Variants in PACS2 observed in about 807,000 individuals in gnomAD.
PACS2 encodes the protein PACS1-like protein.
PACS2 carries 36 observed loss-of-function variants against 113.0 expected under a neutral mutation model. That is an observed-to-expected ratio of 0.32 (90% CI 0.24 to 0.42). The LOEUF is 0.42. Ranked by LOEUF, PACS2 falls within the 10% of genes least tolerant of loss-of-function variation. The pLI is 1.00. For missense variants in PACS2, 1,015 were observed against 1,239.5 expected, an observed-to-expected ratio of 0.82 and a Z score of 2.72; for synonymous variants, 589 against 536.1, an observed-to-expected ratio of 1.10 and a Z score of -1.36.
rs1339097990 is a variant in PACS2, at chr14:105,354,061, C to T, written c.298-991C>T. Among the ~76,000 whole-genome samples the T allele has an allele frequency of 1.3e-5, 2 of 151,672 alleles. No individual in the cohort carries two copies. The highest frequency in any genetic ancestry group is 2.4e-5 in the African/African-American group (1 of 41,276). ...TGAGATCATGCCATAGCACTCCAGC[C>T]TGGGGGACAGAGTGAGACTCCATCT... On this transcript the variant is annotated intron_variant, in intron 3 of 24. Coordinates refer to ENST00000447393, the MANE Select transcript of PACS2 (RefSeq NM_001100913.3). This position sits in a 1 kb window ranked among gnomAD's most constrained non-coding sequence, Gnocchi z 4.2.
intron 24 of PACS2, chr14:105,394,237 G>T (rs2081469240): frequency 1.0e-6 from 1 of 985,214 alleles, no homozygotes; most frequent in Admixed American, 6.1e-5. Context: ...GGTGGAAGTG[G>T]ATGTGGACGA....
Position 105,330,836 on chromosome 14 carries a change from A to T in PACS2, c.119+15799A>T, listed in dbSNP as rs2059281492. Among the ~76,000 whole-genome samples the T allele has an allele frequency of 6.6e-6, 1 of 152,028 alleles. No homozygotes were observed. On this transcript the variant is annotated intron_variant, in intron 1 of 24. Transcript: ENST00000447393. This position sits in a 1 kb window ranked among gnomAD's most constrained non-coding sequence, Gnocchi z 6.9. ...GCTTTTTGCCTTAAGTGCGTTCCCA[A>T]TTCCATCTCTGTGCCAGCTGTGCCC... is the stretch of plus-strand genomic sequence containing the variant.
intron 1 of PACS2, among the ~76,000 whole-genome samples, chr14:105,346,234 C>T (rs1555402559): frequency 6.6e-6 from 1 of 152,144 alleles, no homozygotes; most frequent in Non-Finnish European, 1.5e-5. Context: ...ATCTTCTGAC[C>T]TGGGTAGGTC....
intron 1 of PACS2, among the ~76,000 whole-genome samples, chr14:105,316,442 T>C (rs1328309281): frequency 6.6e-6 from 1 of 152,218 alleles, no homozygotes; most frequent in African/African-American, 2.4e-5. Context: ...TCTGCCCCTC[T>C]GAGTCACTGC....
At chr14:105,313,303 T>C (rs2058402196), upstream of PACS2, among the ~76,000 whole-genome samples, 1 of 152,200 alleles carries the variant, frequency 6.6e-6, no homozygotes, top group South Asian at 2.1e-4. Context: ...CCTGTCCTCC[T>C]GGGGTATGGC....
At chr14:105,318,783 C>G (rs1456656032) in intron 1 of PACS2, among the ~76,000 whole-genome samples, 1 of 150,044 alleles carries the variant, frequency 6.7e-6, no homozygotes, top group Non-Finnish European at 1.5e-5. Flanking sequence ...CTCAGCCTCC[C>G]GAGTAGCTGG....
rs1313720444 is a variant in PACS2, at chr14:105,330,491, G to C, written c.119+15454G>C. 6.6e-6 allele frequency among the ~76,000 whole-genome samples: 1 copy of C among 152,176 alleles called. No individual in the cohort carries two copies. ...TACTGTGCCGCAGAGTTTTCTTTCCGAGCACTCAATGCTCACCTCCTGGGA... is the reference window on the plus strand; with the variant it reads ...TACTGTGCCGCAGAGTTTTCTTTCCCAGCACTCAATGCTCACCTCCTGGGA... On this transcript the variant is annotated intron_variant, in intron 1 of 24. Coordinates refer to ENST00000447393, the MANE Select transcript of PACS2 (RefSeq NM_001100913.3). This position sits in a 1 kb window ranked among gnomAD's most constrained non-coding sequence, Gnocchi z 6.9.
upstream of PACS2, among the ~76,000 whole-genome samples, chr14:105,312,659 C>T (rs1000317041): frequency 6.6e-6 from 1 of 152,222 alleles, no homozygotes; most frequent in Non-Finnish European, 1.5e-5. Flanking sequence ...GAAGGACCAG[C>T]ACAGCATCAT....
chr14:105,341,216 C>G (rs184449266), intron 1 of PACS2, among the ~76,000 whole-genome samples: 171 of 152,354 alleles, frequency 1.1e-3, no homozygotes, highest in Admixed American at 7.8e-4. Context: ...GTGTCTCACT[C>G]TGAACTTTTC....
At chr14:105,308,161 C>T (rs1220261643) in intron 1 of PACS2, among the ~76,000 whole-genome samples, 1 of 151,046 alleles carries the variant, frequency 6.6e-6, no homozygotes, top group Non-Finnish European at 1.5e-5. Flanking sequence ...CCAGCCTGGA[C>T]CATAGAGTGA....
At chr14:105,333,506 C>A (rs1425946462) in intron 1 of PACS2, among the ~76,000 whole-genome samples, 1 of 152,228 alleles carries the variant, frequency 6.6e-6, no homozygotes, top group Non-Finnish European at 1.5e-5. Flanking sequence ...TGGCTGCTCC[C>A]TGGGGTGCTG....
chr14:105,325,828 G>A (rs1327163222), intron 1 of PACS2, among the ~76,000 whole-genome samples: 1 of 152,256 alleles, frequency 6.6e-6, no homozygotes, highest in African/African-American at 2.4e-5. Context: ...AATGCTGATG[G>A]GAAGGGCCCT....
intron 1 of PACS2, among the ~76,000 whole-genome samples, chr14:105,321,987 G>T (rs2058906114): frequency 6.6e-6 from 1 of 151,122 alleles, no homozygotes. Flanking sequence ...TCGCCAGGCT[G>T]GAGTACAGTC....
At chr14:105,364,695 C>CTT (rs1166883985) in intron 4 of PACS2, among the ~76,000 whole-genome samples, 4,100 of 126,016 alleles carry the variant, frequency 0.033, 325 homozygotes, top group African/African-American at 0.12. Context: ...ATTTTCTTTT[C>CTT]TTTTTTTTTT....
In PACS2 at chr14:105,384,351, A is replaced by C; in HGVS notation, c.1781-2A>C. 3 of 1,587,824 alleles carry C rather than the reference A, an allele frequency of 1.9e-6. No individual in the cohort carries two copies. The highest frequency in any genetic ancestry group is 2.6e-6 in the Non-Finnish European group (3 of 1,158,802). ...GACACCAGCCCCACCCCTGGCATGC[A>C]GGCTCCCACCCCGTGGCCAGGTACC... On this transcript the variant is annotated splice_acceptor_variant, in intron 16 of 24. Transcript: ENST00000447393. LOFTEE classifies it high-confidence loss of function.
chr14:105,347,466 G>A lies in PACS2; in HGVS notation c.120-1027G>A, dbSNP rs999722775. ...GTTCCATGGCCTGACTGTGTCTGGC[G>A]CCTGTTCTGGTGTTTTACATTCATA... On this transcript the variant is annotated intron_variant, in intron 1 of 24. Coordinates refer to ENST00000447393, the MANE Select transcript of PACS2 (RefSeq NM_001100913.3). Among the ~76,000 whole-genome samples the A allele has an allele frequency of 2.0e-5, 3 of 152,128 alleles. 1 individual carries two copies. The highest frequency in any genetic ancestry group is 4.8e-5 in the African/African-American group (2 of 41,412).
At chr14:105,327,688 C>G (rs1014636825) in intron 1 of PACS2, among the ~76,000 whole-genome samples, 9 of 152,210 alleles carry the variant, frequency 5.9e-5, no homozygotes, top group Admixed American at 1.3e-4. Context: ...GGTGGGCTAT[C>G]GAAGGTTTTG....
chr14:105,392,373 G>A (rs782791949), intron 22 of PACS2: 8 of 550,968 alleles, frequency 1.5e-5, no homozygotes, highest in Non-Finnish European at 2.3e-5. Context: ...TTGGAGAGCA[G>A]GTGGACAGGC....
In PACS2 at chr14:105,365,360, C is replaced by A. The variant is rs1202387886; in HGVS notation, c.424-1853C>A. Among the ~76,000 whole-genome samples, 2 of 152,180 alleles carry A rather than the reference C, an allele frequency of 1.3e-5. No individual in the cohort carries two copies. The highest frequency in any genetic ancestry group is 2.4e-5 in the African/African-American group (1 of 41,450). On this transcript the variant is annotated intron_variant, in intron 4 of 24. Coordinates refer to ENST00000447393, the MANE Select transcript of PACS2 (RefSeq NM_001100913.3). The surrounding 1 kb of genome is among the most constrained non-coding windows in gnomAD (Gnocchi z 5.1). ...CCTGGAGTGTCGGGGCCTGGGACTT[C>A]CAGGGCCTGCAGATATCAAAATAGT...
Sources: allele counts gnomAD v4.1 joint callset (sites outside exome capture counted in the v4.1 genomes callset), GRCh38; gene constraint gnomAD v4.1.1; non-coding constraint Gnocchi (gnomAD v3.1); transcripts MANE v1.5; gene names NCBI Gene and HGNC (gene_info 2026-07-23, HGNC 2026-07-21).